The following INPP4B variants were observed in gnomAD, a reference collection of about 807,000 sequenced individuals.
INPP4B encodes inositol polyphosphate-4-phosphatase type II B.
INPP4B carries 55 observed loss-of-function variants against 122.5 expected under a neutral mutation model. The ratio of observed to expected loss-of-function variants is 0.45; its 90% confidence interval spans 0.36 to 0.56. INPP4B has a LOEUF of 0.56. Ranked by LOEUF, INPP4B falls within the 20% of genes least tolerant of loss-of-function variation. The pLI, the probability that INPP4B is intolerant of heterozygous loss-of-function variation, is 0.00. For synonymous variants in INPP4B, 403 were observed against 388.7 expected, an observed-to-expected ratio of 1.04 and a Z score of -0.43; for missense variants, 1,000 against 1,097.7, an observed-to-expected ratio of 0.91 and a Z score of 1.26.
At chr4:142,190,017 T>A (rs1472867780) in intron 15 of INPP4B, among the ~76,000 whole-genome samples, 2 of 152,146 alleles carry the variant, frequency 1.3e-5, no homozygotes, top group Non-Finnish European at 2.9e-5. Context: ...ATGTGGCCAA[T>A]GTATTAATCA....
intron 25 of INPP4B, chr4:142,029,909 G>T (rs1463522704): frequency 8.2e-7 from 1 of 1,218,416 alleles, no homozygotes; most frequent in African/African-American, 1.5e-5. Context: ...TCTTGAGCTA[G>T]TTAACAGTGG....
chr4:142,376,311 C>A (rs951984094), intron 7 of INPP4B, among the ~76,000 whole-genome samples: 4 of 151,952 alleles, frequency 2.6e-5, no homozygotes, highest in African/African-American at 9.7e-5. Context: ...TCATGATGAC[C>A]TGAAAACATG....
intron 2 of INPP4B, among the ~76,000 whole-genome samples, chr4:142,586,805 T>C (rs984206999): frequency 6.6e-6 from 1 of 151,944 alleles, no homozygotes; most frequent in Non-Finnish European, 1.5e-5. Flanking sequence ...TTCTGAGGAG[T>C]GATATTTAGG....
intron 2 of INPP4B, among the ~76,000 whole-genome samples, chr4:142,508,745 G>T (rs1395297729): frequency 6.6e-6 from 1 of 152,092 alleles, no homozygotes; most frequent in African/African-American, 2.4e-5. Flanking sequence ...CTCAACCAAG[G>T]CCAATTTTGC....
chr4:142,505,425 G>A lies in INPP4B; in HGVS notation c.-190-42699C>T, dbSNP rs373870137. Among the ~76,000 whole-genome samples the A allele has an allele frequency of 3.2e-3, 494 of 152,086 alleles. 4 individuals carry two copies. Among genetic ancestry groups the A allele is most frequent in the African/African-American group, 0.011 (466 of 41,502 alleles). On this transcript the variant is annotated intron_variant, in intron 2 of 25. Coordinates refer to ENST00000262992, the MANE Select transcript of INPP4B (RefSeq NM_001101669.3). ...GATAAAAGGAAGGGAGTGGGCCCAC[G>A]GGCTTTGGTGCTGGATAGCTGGAGT...
intron 7 of INPP4B, among the ~76,000 whole-genome samples, chr4:142,332,228 G>T (rs1774793460): frequency 6.6e-6 from 1 of 151,966 alleles, no homozygotes; most frequent in South Asian, 2.1e-4. Flanking sequence ...GACCTCAGAT[G>T]ATTTTATTTT....
At chr4:142,389,075 C>T (rs928255656) in intron 7 of INPP4B, among the ~76,000 whole-genome samples, 1 of 151,954 alleles carries the variant, frequency 6.6e-6, no homozygotes, top group African/African-American at 2.4e-5. Flanking sequence ...CATGGTGAAA[C>T]CCTGTCTCTA....
At chr4:142,342,494 C>T (rs1779004028) in intron 7 of INPP4B, among the ~76,000 whole-genome samples, 1 of 152,116 alleles carries the variant, frequency 6.6e-6, no homozygotes, top group Non-Finnish European at 1.5e-5. Context: ...AATCTCTCAA[C>T]TCTTAGGTAT....
At chr4:142,064,299 G>A (rs1315974914) in intron 25 of INPP4B, among the ~76,000 whole-genome samples, 2 of 152,180 alleles carry the variant, frequency 1.3e-5, no homozygotes, top group Non-Finnish European at 2.9e-5. Flanking sequence ...AAAATTGTAT[G>A]TATGTAGTCA....
intron 8 of INPP4B, among the ~76,000 whole-genome samples, chr4:142,311,231 A>G (rs927782032): frequency 6.6e-6 from 1 of 152,186 alleles, no homozygotes; most frequent in Non-Finnish European, 1.5e-5. Flanking sequence ...TAGGTGGTCA[A>G]CATGTGTTAA....
At chr4:142,837,165 T>A (rs185158131) in intron 1 of INPP4B, among the ~76,000 whole-genome samples, 4,296 of 150,368 alleles carry the variant, frequency 0.029, 176 homozygotes, top group African/African-American at 0.095. Flanking sequence ...TCAAAAATAA[T>A]AATAATAATA....
intron 1 of INPP4B, among the ~76,000 whole-genome samples, chr4:142,755,741 T>A (rs1399146100): frequency 6.6e-6 from 1 of 152,112 alleles, no homozygotes; most frequent in Non-Finnish European, 1.5e-5. Context: ...CTTTGCCCTA[T>A]AAAATGTTTG....
At chr4:142,287,873 A>C (rs1428587578) in intron 9 of INPP4B, among the ~76,000 whole-genome samples, 1 of 152,216 alleles carries the variant, frequency 6.6e-6, no homozygotes, top group Non-Finnish European at 1.5e-5. Context: ...TTTTGTTTTC[A>C]TAGTTGTTAG....
intron 17 of INPP4B, among the ~76,000 whole-genome samples, chr4:142,153,355 T>C (rs1815389746): frequency 6.6e-6 from 1 of 152,200 alleles, no homozygotes; most frequent in South Asian, 2.1e-4. Context: ...ACTTATTCAC[T>C]AAATTTTGGA....
At chr4:142,426,545 A>G (rs1808097785) in intron 5 of INPP4B, 1 of 152,010 alleles carries the variant, frequency 6.6e-6, no homozygotes, top group African/African-American at 2.4e-5. Context: ...ACAATGGACA[A>G]GAGATACTCA....
intron 15 of INPP4B, among the ~76,000 whole-genome samples, chr4:142,179,469 T>C (rs1829798899): frequency 3.6e-5 from 2 of 56,188 alleles, no homozygotes; most frequent in African/African-American, 5.6e-5. Context: ...CAAAACTCCA[T>C]CTCAAAAAAA....
At chr4:142,225,814 G>A (rs182957270) in intron 12 of INPP4B, among the ~76,000 whole-genome samples, 2 of 152,118 alleles carry the variant, frequency 1.3e-5, no homozygotes, top group East Asian at 1.9e-4. Flanking sequence ...ATATTTCTAG[G>A]TGTTACTTTA....
At chr4:142,546,561 A>C (rs985357094) in intron 2 of INPP4B, among the ~76,000 whole-genome samples, 1 of 152,168 alleles carries the variant, frequency 6.6e-6, no homozygotes, top group African/African-American at 2.4e-5. Flanking sequence ...TTGATATGCC[A>C]CTAATAAGTT....
At chr4:142,825,204 G>T (rs1395406374) in intron 1 of INPP4B, among the ~76,000 whole-genome samples, 3 of 152,048 alleles carry the variant, frequency 2.0e-5, no homozygotes, top group Non-Finnish European at 4.4e-5. Flanking sequence ...TAGTACTTTT[G>T]TTCCAAGAGA....
Sources: gnomAD v4.1 joint callset for allele counts (sites outside exome capture counted in the v4.1 genomes callset) on GRCh38, gnomAD v4.1.1 for gene constraint, MANE v1.5 for transcripts, NCBI Gene and HGNC (gene_info 2026-07-23, HGNC 2026-07-21) for gene names.